Variants in GET1 observed in about 807,000 individuals in gnomAD.
GET1 encodes guided entry of tail-anchored proteins factor 1, also known as congenital heart disease 5 protein.
In GET1, 20 loss-of-function variants were observed where a neutral mutation model predicts 22.6. The observed-to-expected ratio is 0.89, with a 90% CI of 0.62 to 1.29. GET1 has a LOEUF of 1.29. Among genes scored for constraint, GET1 ranks in the 50% most tolerant of loss-of-function variants. The pLI is 0.00. For missense variants in GET1, 209 were observed against 219.9 expected (o/e 0.95, Z 0.31); for synonymous variants, 92 against 83.8 (o/e 1.10, Z -0.53).
At chr21:39,414,738 C>T (rs200291081) in intron 1 of GET1, among the ~76,000 whole-genome samples, 1 of 107,328 alleles carries the variant, frequency 9.3e-6, no homozygotes, top group African/African-American at 3.9e-5. Context: ...CTCTCTCTCT[C>T]TCTCTGTGTG....
chr21:39,420,553 CT>C (rs1164165888), intron 1 of GET1, among the ~76,000 whole-genome samples: 1 of 107,546 alleles, frequency 9.3e-6, no homozygotes, highest in Non-Finnish European at 2.0e-5. Flanking sequence ...ATAAACAGAA[CT>C]GTGGATGGGG....
downstream of GET1, among the ~76,000 whole-genome samples, chr21:39,399,911 A>ATT (rs36083258): frequency 1.2e-4 from 18 of 144,594 alleles, no homozygotes; most frequent in African/African-American, 4.6e-4. Context: ...TCTTTTTTTA[A>ATT]TTTTTTTTTT....
chr21:39,424,396 C>T (rs879759052), intron 1 of GET1, among the ~76,000 whole-genome samples: 4 of 152,112 alleles, frequency 2.6e-5, no homozygotes, highest in Non-Finnish European at 5.9e-5. Flanking sequence ...CGGGAGGATC[C>T]CTTGAGCCCA....
intron 1 of GET1, chr21:39,420,907 C>G (rs1020280867): frequency 7.9e-7 from 1 of 1,263,616 alleles, no homozygotes; most frequent in Non-Finnish European, 1.1e-6. Context: ...CTTCAATTAT[C>G]ATGGAACTAA....
intron 1 of GET1, chr21:39,387,659 C>G (rs1266548276): frequency 2.7e-6 from 1 of 370,824 alleles, no homozygotes; most frequent in Non-Finnish European, 3.7e-6. Flanking sequence ...GCATGAGCCC[C>G]TAGACCCCTC....
downstream of GET1, chr21:39,410,094 A>G (rs144897488): frequency 8.9e-4 from 1,420 of 1,598,112 alleles, 2 homozygotes; most frequent in Non-Finnish European, 1.1e-3. Flanking sequence ...TTGCCTTTTT[A>G]CCCTGTAATT....
intron 1 of GET1, chr21:39,380,907 G>C: frequency 7.0e-6 from 1 of 142,660 alleles, no homozygotes; most frequent in Admixed American, 7.5e-5. Context: ...GCGTCCAGGA[G>C]CCCACATTCT....
intron 1 of GET1, chr21:39,411,731 C>T: frequency 1.3e-6 from 2 of 1,525,382 alleles, no homozygotes; most frequent in Non-Finnish European, 1.8e-6. Context: ...TTGGATAGTC[C>T]TCTGTGTCAT....
In GET1 at chr21:39,393,070, T is replaced by G. The variant is rs976451886; in HGVS notation, c.337-96T>G. ...GCTTGAGGTGCTCAGTCTGGAGAGT[T>G]TTCCTGGTTTTATTTTCGCATTTCC... On this transcript the variant is annotated intron_variant, in intron 3 of 4. Coordinates refer to ENST00000649170, the MANE Select transcript of GET1 (RefSeq NM_004627.6). 4 of 1,057,098 alleles carry G rather than the reference T, an allele frequency of 3.8e-6. No individual in the cohort carries two copies. In the African/African-American group the frequency reaches 4.7e-5, roughly 12 times the overall value. The allele number at this position is 1,057,098 out of a possible 1,614,324, so 65.5% of individuals were successfully genotyped here.
intron 1 of GET1, chr21:39,427,988 G>A (rs1170037045): frequency 2.0e-6 from 1 of 498,292 alleles, no homozygotes; most frequent in Non-Finnish European, 3.6e-6. Flanking sequence ...AAGCCTTTCT[G>A]TTATTTTATA....
At position 39,417,434 on chromosome 21, in the gene GET1, C is replaced by T. The variant is rs60872755; in HGVS notation, c.*23+6497C>T. On this transcript the variant is annotated intron_variant, in intron 1 of 1. Coordinates refer to the GET1 transcript ENST00000478273. ...TATTCATGAAATCTAGGTTCTAGAG[C>T]TGTCCCTTCTACTCTATTCTCTCTT... Among the ~76,000 whole-genome samples the T allele has an allele frequency of 3.0e-3, 459 of 152,302 alleles. 1 individual carries two copies. The highest frequency in any genetic ancestry group is 0.011 in the African/African-American group (437 of 41,558).
chr21:39,385,845 C>T (rs978697806), intron 1 of GET1, among the ~76,000 whole-genome samples: 3 of 152,068 alleles, frequency 2.0e-5, no homozygotes, highest in African/African-American at 7.2e-5. Flanking sequence ...TCCACGCATA[C>T]CGCACACACT....
chr21:39,412,316 G>A (rs892932001), intron 1 of GET1, among the ~76,000 whole-genome samples: 1 of 152,128 alleles, frequency 6.6e-6, no homozygotes, highest in Non-Finnish European at 1.5e-5. Flanking sequence ...CAAGGGCCGG[G>A]GGGGAAGCCT....
At chr21:39,382,525 G>T (rs2037618189) in intron 1 of GET1, among the ~76,000 whole-genome samples, 1 of 152,142 alleles carries the variant, frequency 6.6e-6, no homozygotes, top group Non-Finnish European at 1.5e-5. Flanking sequence ...TTCCTTTTGT[G>T]ACTGGCTTCT....
At chr21:39,395,150 T>A (rs2038555846) in intron 4 of GET1, among the ~76,000 whole-genome samples, 1 of 152,016 alleles carries the variant, frequency 6.6e-6, no homozygotes, top group Non-Finnish European at 1.5e-5. Flanking sequence ...GCTGGGATTA[T>A]AGGTGTGTCA....
At chr21:39,425,680 C>T (rs7276981) in intron 1 of GET1, among the ~76,000 whole-genome samples, 36,221 of 151,948 alleles carry the variant, frequency 0.24, 5,019 homozygotes, top group African/African-American at 0.38. Context: ...TGGTTTAAAA[C>T]AGGGGTGGGC....
At chr21:39,425,182 G>C (rs949803103) in intron 1 of GET1, among the ~76,000 whole-genome samples, 6 of 152,202 alleles carry the variant, frequency 3.9e-5, no homozygotes, top group African/African-American at 1.4e-4. Context: ...ATTCTGGAGA[G>C]GGAAGGACAC....
exon 5 of GET1, chr21:39,406,113 C>T (rs771856856): frequency 3.7e-6 from 6 of 1,614,082 alleles, no homozygotes. Flanking sequence ...GACTGCTTTT[C>T]TTATCTCTGA....
chr21:39,395,525 G>A (rs890073001), intron 4 of GET1, among the ~76,000 whole-genome samples: 2 of 151,928 alleles, frequency 1.3e-5, no homozygotes, highest in Non-Finnish European at 2.9e-5. Flanking sequence ...CCACACGCCC[G>A]ACTAGTTTTT....
Sources: gnomAD v4.1 joint callset for allele counts (sites outside exome capture counted in the v4.1 genomes callset) on GRCh38, gnomAD v4.1.1 for gene constraint, MANE v1.5 for transcripts, NCBI Gene and HGNC (gene_info 2026-07-23, HGNC 2026-07-21) for gene names.